The following HPSE2 variants were observed in gnomAD, a reference collection of about 807,000 sequenced individuals.
HPSE2 encodes inactive heparanase-2.
In HPSE2, 38 loss-of-function variants were observed where a neutral mutation model predicts 60.5. The observed-to-expected ratio is 0.63, with a 90% confidence interval of 0.48 to 0.82. The LOEUF is 0.82. HPSE2 is among the 40% of genes least tolerant of loss of function. The pLI is 0.00. For missense variants in HPSE2, 713 were observed against 740.4 expected (o/e 0.96, Z 0.43); for synonymous variants, 295 against 293.2 (o/e 1.01, Z -0.06).
intron 3 of HPSE2, among the ~76,000 whole-genome samples, chr10:99,046,038 A>C (rs1385700090): frequency 6.6e-6 from 1 of 152,126 alleles, no homozygotes; most frequent in African/African-American, 2.4e-5. Context: ...CAGTGAAAAA[A>C]TAAAAGTTTA....
chr10:99,195,144 T>G (rs577266255), intron 2 of HPSE2, among the ~76,000 whole-genome samples: 1 of 152,130 alleles, frequency 6.6e-6, no homozygotes, highest in East Asian at 1.9e-4. Context: ...TCATTTCAAC[T>G]GATGCTAAAA....
At chr10:98,925,080 G>T (rs549597873) in intron 3 of HPSE2, among the ~76,000 whole-genome samples, 1 of 152,348 alleles carries the variant, frequency 6.6e-6, no homozygotes, top group African/African-American at 2.4e-5. Context: ...TGCACTGCAT[G>T]GCCACTGCTA....
intron 3 of HPSE2, among the ~76,000 whole-genome samples, chr10:98,774,913 T>C (rs1950308951): frequency 2.6e-5 from 4 of 152,154 alleles, no homozygotes; most frequent in African/African-American, 9.7e-5. Context: ...ATTCTAAGTA[T>C]GTTGGAAATG....
At chr10:99,153,782 C>A (rs1457750205) in intron 2 of HPSE2, among the ~76,000 whole-genome samples, 1 of 152,140 alleles carries the variant, frequency 6.6e-6, no homozygotes, top group Non-Finnish European at 1.5e-5. Flanking sequence ...GAGAAGAAGG[C>A]TTCAGACGAT....
chr10:98,722,704 C>T (rs1948958553), intron 4 of HPSE2, among the ~76,000 whole-genome samples: 1 of 152,112 alleles, frequency 6.6e-6, no homozygotes, highest in South Asian at 2.1e-4. Flanking sequence ...GAGAAAAATT[C>T]CCTGAAACGA....
chr10:98,876,286 T>C (rs545418827), intron 3 of HPSE2, among the ~76,000 whole-genome samples: 3 of 152,026 alleles, frequency 2.0e-5, no homozygotes, highest in South Asian at 4.1e-4. Context: ...TAGAAGGCTA[T>C]AGCTAAAATT....
intron 3 of HPSE2, among the ~76,000 whole-genome samples, chr10:99,111,941 AT>A (rs1358514157): frequency 6.6e-6 from 1 of 152,232 alleles, no homozygotes; most frequent in Non-Finnish European, 1.5e-5. Context: ...ATATTGAAGT[AT>A]AACTTCAGTG....
intron 6 of HPSE2, among the ~76,000 whole-genome samples, chr10:98,660,306 T>C (rs1947187798): frequency 6.6e-6 from 1 of 152,160 alleles, no homozygotes; most frequent in South Asian, 2.1e-4. Flanking sequence ...CTTTTTTCCC[T>C]TTTCCTGTTG....
At chr10:99,099,014 G>A (rs1049817772) in intron 3 of HPSE2, among the ~76,000 whole-genome samples, 4 of 151,930 alleles carry the variant, frequency 2.6e-5, no homozygotes, top group South Asian at 2.1e-4. Flanking sequence ...TAGCATTCTC[G>A]TTCCAAGATG....
intron 3 of HPSE2, among the ~76,000 whole-genome samples, chr10:99,030,739 C>A (rs1013583558): frequency 3.1e-4 from 47 of 152,044 alleles, no homozygotes; most frequent in African/African-American, 1.1e-3. Context: ...TGGAAGCAAC[C>A]TAAGTGATGA....
Position 99,126,667 on chromosome 10 carries a change from T to C in HPSE2, c.610+17571A>G, listed in dbSNP as rs1036953358. ...TCTGAGTCTCTACACATGACAACTT[T>C]ACTGCTAGCATAATCCATCATTCAA... is the stretch of plus-strand genomic sequence containing the variant. On this transcript the variant is annotated intron_variant, in intron 3 of 11. Transcript: ENST00000370552. The surrounding 1 kb of genome is among the most constrained non-coding windows in gnomAD (Gnocchi z 4.0). Among the ~76,000 whole-genome samples, 1 of 152,138 alleles carries C rather than the reference T, an allele frequency of 6.6e-6. No homozygotes were observed. Among genetic ancestry groups the C allele is most frequent in the Admixed American group, 6.5e-5 (1 of 15,274 alleles).
chr10:98,707,992 T>C (rs929926274), intron 5 of HPSE2, among the ~76,000 whole-genome samples: 1 of 152,054 alleles, frequency 6.6e-6, no homozygotes, highest in Non-Finnish European at 1.5e-5. Context: ...TAAAAAACTA[T>C]ATAAGAATTT....
the HPSE2 span, among the ~76,000 whole-genome samples, chr10:99,294,257 C>T: frequency 1.3e-5 from 2 of 150,812 alleles, no homozygotes; most frequent in Admixed American, 1.3e-4. Flanking sequence ...TATGAAGATA[C>T]ATATTCTAAT....
At chr10:99,273,605 A>G in the HPSE2 span, among the ~76,000 whole-genome samples, 91 of 152,184 alleles carry the variant, frequency 6.0e-4, no homozygotes, top group Admixed American at 1.2e-3. Flanking sequence ...ACATAAACCA[A>G]CCCCTAAAGA....
At chr10:99,244,382 T>TTTTTTTTTATTA in the HPSE2 span, among the ~76,000 whole-genome samples, 7 of 134,182 alleles carry the variant, frequency 5.2e-5, no homozygotes, top group Admixed American at 3.9e-4. Flanking sequence ...TTTTATTTCT[T>TTTTTTTTTATTA]TTATTATTAT....
At chr10:99,058,405 T>C (rs933266341) in intron 3 of HPSE2, among the ~76,000 whole-genome samples, 3 of 152,204 alleles carry the variant, frequency 2.0e-5, no homozygotes, top group Admixed American at 2.0e-4. Context: ...CACAAAGACC[T>C]GAATGTTTGG....
rs1491238747 is a variant in HPSE2 at position 99,094,541 on chromosome 10, T to TATATATATATA, written c.610+49696_610+49697insTATATATATAT. ...ATATATATATATATATATATATATA[T>TATATATATATA]TTTTTTTTTTTTTTTTTTTTTTTTT... On this transcript the variant is annotated intron_variant, in intron 3 of 11. Transcript: ENST00000370552. Among the ~76,000 whole-genome samples the TATATATATATA allele has an allele frequency of 1.8e-3, 25 of 13,666 alleles. 1 individual carries two copies. Among genetic ancestry groups the TATATATATATA allele is most frequent in the Middle Eastern group, 0.062 (1 of 16 alleles). The allele number at this position is 13,666 out of a possible 152,430, so 9.0% of individuals were successfully genotyped here.
At chr10:98,831,918 G>A (rs1951692376) in intron 3 of HPSE2, among the ~76,000 whole-genome samples, 1 of 152,182 alleles carries the variant, frequency 6.6e-6, no homozygotes, top group African/African-American at 2.4e-5. Flanking sequence ...GTTTTTGACA[G>A]GCGAGTCCAA....
intron 9 of HPSE2, 118 bp from the exon 10 acceptor site, chr10:98,490,314 C>G (rs1941599888): frequency 8.1e-7 from 1 of 1,235,848 alleles, no homozygotes; most frequent in South Asian, 1.3e-5. Flanking sequence ...CACTTCCTAC[C>G]TGGAGTCATG....
Sources: gnomAD v4.1 joint callset for allele counts (sites outside exome capture counted in the v4.1 genomes callset) on GRCh38, gnomAD v4.1.1 for gene constraint, Gnocchi (gnomAD v3.1) non-coding constraint, MANE v1.5 for transcripts, NCBI Gene and HGNC (gene_info 2026-07-23, HGNC 2026-07-21) for gene names.